Variants in CPAMD8 observed in about 807,000 individuals in gnomAD.
The protein encoded by CPAMD8 is C3 and PZP like alpha-2-macroglobulin domain containing 8.
In CPAMD8, 146 loss-of-function variants were observed where a neutral mutation model predicts 224.7. The observed-to-expected ratio is 0.65, with a 90% CI of 0.57 to 0.75. The LOEUF is 0.75. Ranked by LOEUF, CPAMD8 falls within the 30% of genes least tolerant of loss-of-function variation. The pLI is 0.00. For synonymous variants in CPAMD8, 966 were observed against 1,044.6 expected (o/e 0.92, Z 1.45); for missense variants, 2,301 against 2,537.5 (o/e 0.91, Z 2.00).
intron 8 of CPAMD8, among the ~76,000 whole-genome samples, chr19:17,004,001 G>A (rs1487825056): frequency 6.6e-6 from 1 of 151,648 alleles, no homozygotes; most frequent in Admixed American, 6.6e-5. Flanking sequence ...CTGCCTCCCG[G>A]TTCAAGTGAT....
intron 27 of CPAMD8, among the ~76,000 whole-genome samples, chr19:16,917,862 G>A (rs1435919717): frequency 6.6e-6 from 1 of 152,280 alleles, no homozygotes; most frequent in East Asian, 1.9e-4. Flanking sequence ...TTGCATTTAC[G>A]GGAATCTCTT....
At chr19:16,914,328 G>T in intron 29 of CPAMD8, 96 bp downstream of exon 29, 1 of 962,130 alleles carries the variant, frequency 1.0e-6, no homozygotes. Context: ...AAGGAGGGCA[G>T]GGAGGAAGAA....
chr19:17,002,905 C>CTTTT (rs376741138), intron 8 of CPAMD8, among the ~76,000 whole-genome samples: 5 of 133,450 alleles, frequency 3.7e-5, no homozygotes, highest in African/African-American at 5.9e-5. Context: ...CTTTTCTTTT[C>CTTTT]TTTTCTTTTT....
chr19:17,003,265 A>C (rs1236833383), intron 8 of CPAMD8, among the ~76,000 whole-genome samples: 4 of 150,908 alleles, frequency 2.7e-5, no homozygotes, highest in Non-Finnish European at 5.9e-5. Context: ...TAGTGGTGCA[A>C]TCACAGTTCA....
intron 11 of CPAMD8, 97 bp downstream of exon 11, chr19:16,997,014 C>T (rs201427778): frequency 6.5e-6 from 5 of 767,900 alleles, no homozygotes; most frequent in Non-Finnish European, 1.1e-5. Flanking sequence ...TCAGGGGATC[C>T]GTTTTCAGCT....
chr19:16,968,112 G>C (rs962092398), intron 18 of CPAMD8, among the ~76,000 whole-genome samples: 2 of 151,960 alleles, frequency 1.3e-5, no homozygotes, highest in Non-Finnish European at 2.9e-5. Context: ...AGCTCTCAGG[G>C]GTTATGCATG....
chr19:16,999,680 T>C (rs1016648534), intron 10 of CPAMD8, among the ~76,000 whole-genome samples: 1 of 152,176 alleles, frequency 6.6e-6, no homozygotes, highest in African/African-American at 2.4e-5. Flanking sequence ...AAATTGTTTA[T>C]GTTTTTATTT....
intron 18 of CPAMD8, among the ~76,000 whole-genome samples, chr19:16,960,332 C>G (rs1645238052): frequency 6.6e-6 from 1 of 152,066 alleles, no homozygotes; most frequent in African/African-American, 2.4e-5. Flanking sequence ...TGTGCAAACA[C>G]AGAGAGATGG....
chr19:17,008,405 G>T, intron 7 of CPAMD8, 100 bp downstream of exon 7: 1 of 1,419,620 alleles, frequency 7.0e-7, no homozygotes, highest in Non-Finnish European at 9.7e-7. Context: ...TGGAGCAGCA[G>T]TGGGGGTACA....
chr19:16,967,397 G>A (rs2054864811), intron 18 of CPAMD8, among the ~76,000 whole-genome samples: 3 of 152,064 alleles, frequency 2.0e-5, no homozygotes, highest in Admixed American at 6.6e-5. Flanking sequence ...TAAATGATGA[G>A]TTGATGGGTG....
chr19:16,967,311 G>A (rs947068565), intron 18 of CPAMD8, among the ~76,000 whole-genome samples: 7 of 147,836 alleles, frequency 4.7e-5, no homozygotes, highest in African/African-American at 7.5e-5. Flanking sequence ...GACACAGGGC[G>A]GGGAACATCA....
chr19:16,967,456 C>T (rs1296301287), intron 18 of CPAMD8, among the ~76,000 whole-genome samples: 2 of 151,902 alleles, frequency 1.3e-5, no homozygotes, highest in African/African-American at 2.4e-5. Flanking sequence ...GCACATTGTG[C>T]ACATGTACCC....
chr19:17,015,995 GTGCTGTGGTGCGATCACGTCTCAC>G (rs1475163455), intron 3 of CPAMD8, among the ~76,000 whole-genome samples: 1 of 152,206 alleles, frequency 6.6e-6, no homozygotes, highest in Non-Finnish European at 1.5e-5. Context: ...CCAGACTAGA[GTGCTGTGGTGCGATCACGTCTCAC>G]TGCAACCTCG....
intron 17 of CPAMD8, among the ~76,000 whole-genome samples, chr19:16,972,277 C>G (rs1259731729): frequency 6.6e-6 from 1 of 152,094 alleles, no homozygotes; most frequent in Non-Finnish European, 1.5e-5. Flanking sequence ...GATCCTCCCA[C>G]CTCAGCCTCT....
In CPAMD8 at chr19:16,907,001, C is replaced by A; in HGVS notation, c.3978G>T (p.Pro1326=). Residue 1326 remains proline, a synonymous_variant, in exon 30 of 42, where the codon CCG becomes CCT. Transcript: ENST00000443236. ...GCTTGCGCAGTGCCTCAGGGGCTGCCGGGCTGCGGAGCAGGGTCAGCGCGT... is the reference window on the plus strand; with the variant it reads ...GCTTGCGCAGTGCCTCAGGGGCTGCAGGGCTGCGGAGCAGGGTCAGCGCGT... ...TTYALTLLRS[P]AAPEALRKLR... 1.9e-6 allele frequency: 3 copies of A among 1,602,040 alleles called. No individual in the cohort carries two copies. Among genetic ancestry groups the A allele is most frequent in the Non-Finnish European group, 2.6e-6 (3 of 1,176,010 alleles).
intron 25 of CPAMD8, among the ~76,000 whole-genome samples, chr19:16,927,336 C>CCCTGGGA (rs1264821695): frequency 1.3e-5 from 2 of 152,070 alleles, no homozygotes; most frequent in Admixed American, 1.3e-4. Context: ...CTCTCATTCT[C>CCCTGGGA]CCTGGGACCA....
intron 21 of CPAMD8, among the ~76,000 whole-genome samples, chr19:16,946,367 G>A (rs554352156): frequency 6.6e-5 from 10 of 150,908 alleles, no homozygotes; most frequent in African/African-American, 2.4e-4. Context: ...GGGGGTGTGT[G>A]TGTGTGGATT....
intron 19 of CPAMD8, among the ~76,000 whole-genome samples, chr19:16,956,963 G>A (rs2054492404): frequency 6.6e-6 from 1 of 152,126 alleles, no homozygotes; most frequent in African/African-American, 2.4e-5. Flanking sequence ...ACCATGCCCA[G>A]CCCTAATAAA....
intron 23 of CPAMD8, among the ~76,000 whole-genome samples, chr19:16,933,249 G>T (rs894796528): frequency 1.4e-5 from 2 of 147,706 alleles, no homozygotes; most frequent in African/African-American, 5.0e-5. Flanking sequence ...ACAAAATTTT[G>T]AGAAAAAAAA....
Sources: allele counts gnomAD v4.1 joint callset (sites outside exome capture counted in the v4.1 genomes callset), GRCh38; gene constraint gnomAD v4.1.1; transcripts MANE v1.5; gene names NCBI Gene and HGNC (gene_info 2026-07-23, HGNC 2026-07-21).